NVL: variants seen among roughly 807,000 people sequenced by gnomAD.
The protein encoded by NVL is nuclear VCP like.
A neutral mutation model predicts 110.2 loss-of-function variants in NVL; 84 were observed. The observed-to-expected ratio is 0.76, with a 90% confidence interval of 0.64 to 0.91. The LOEUF (loss-of-function observed/expected upper bound fraction) is 0.91. NVL is among the 40% of genes least tolerant of loss of function. The pLI is 0.00. For synonymous variants in NVL, 354 were observed against 361.1 expected, an observed-to-expected ratio of 0.98 and a Z score of 0.22; for missense variants, 882 against 1,035.9, an observed-to-expected ratio of 0.85 and a Z score of 2.04.
intron 16 of NVL, among the ~76,000 whole-genome samples, chr1:224,278,467 G>T (rs1360408687): frequency 6.6e-6 from 1 of 151,986 alleles, no homozygotes; most frequent in African/African-American, 2.4e-5. Context: ...TTGACCTCAA[G>T]TGATCTGCCC....
chr1:224,306,755 C>A, intron 6 of NVL, among the ~76,000 whole-genome samples: 1 of 152,086 alleles, frequency 6.6e-6, no homozygotes. Flanking sequence ...ATGGCTTATG[C>A]CCAGGGGGTG....
chr1:224,310,288 G>GTA (rs947604240), intron 5 of NVL, among the ~76,000 whole-genome samples: 2 of 151,718 alleles, frequency 1.3e-5, no homozygotes, highest in African/African-American at 4.8e-5. Flanking sequence ...ACAAGAGGAT[G>GTA]TATATAACGT....
chr1:224,286,189 A>G, intron 14 of NVL, 59 bp from the exon 15 acceptor site: 1 of 1,231,142 alleles, frequency 8.1e-7, no homozygotes, highest in Non-Finnish European at 1.2e-6. Context: ...TGCAGGTTCA[A>G]ATTATTTCCA....
intron 19 of NVL, among the ~76,000 whole-genome samples, chr1:224,241,463 A>G (rs543849175): frequency 2.0e-5 from 3 of 152,210 alleles, no homozygotes; most frequent in Admixed American, 6.5e-5. Context: ...ATATTATATT[A>G]TTTTTTAATA....
At chr1:224,266,393 C>T (rs756635565) in intron 18 of NVL, among the ~76,000 whole-genome samples, 12 of 152,046 alleles carry the variant, frequency 7.9e-5, no homozygotes, top group Non-Finnish European at 1.6e-4. Flanking sequence ...TTTATTTGTC[C>T]ACCTTTACTC....
intron 19 of NVL, among the ~76,000 whole-genome samples, chr1:224,236,989 G>A (rs1269962685): frequency 2.0e-5 from 3 of 152,212 alleles, no homozygotes; most frequent in Non-Finnish European, 1.5e-5. Context: ...CTGACTTCCA[G>A]ACTGGTGCTG....
chr1:224,245,320 A>C (rs1533589), intron 19 of NVL, among the ~76,000 whole-genome samples: 129,966 of 152,242 alleles, frequency 0.85, 55,892 homozygotes, highest in South Asian at 0.91. Context: ...CTTCCTCTCA[A>C]TCTGCCCTGC....
Position 224,253,747 on chromosome 1 carries a change from AAG to A in NVL, c.2183-3431_2183-3430del, listed in dbSNP as rs1320680366. The stretch of plus-strand genomic sequence containing the variant: ...GCTCGGTCTCAAAAAAAAAAAAAAA[AAG>A]AAAAGAAAAAAAGAAATTGCCAAAC... On this transcript the variant is annotated intron_variant, in intron 18 of 22. Transcript: ENST00000281701. Among the ~76,000 whole-genome samples the A allele has an allele frequency of 1.3e-4, 19 of 149,652 alleles. 2 individuals are homozygous for A. The highest frequency in any genetic ancestry group is 1.7e-4 in the African/African-American group (7 of 41,178).
intron 9 of NVL, among the ~76,000 whole-genome samples, chr1:224,303,360 G>A (rs1039123204): frequency 2.1e-4 from 32 of 151,852 alleles, no homozygotes; most frequent in Admixed American, 1.0e-3. Context: ...GCTTGAACCC[G>A]GGAGGCGGAG....
intron 2 of NVL, among the ~76,000 whole-genome samples, chr1:224,318,567 A>G (rs986846241): frequency 2.0e-5 from 3 of 151,998 alleles, no homozygotes; most frequent in Non-Finnish European, 4.4e-5. Context: ...GCGCCAATGC[A>G]CTCAGCTTGG....
intron 19 of NVL, among the ~76,000 whole-genome samples, chr1:224,239,469 T>C (rs10799551): frequency 6.6e-6 from 1 of 151,948 alleles, no homozygotes; most frequent in Non-Finnish European, 1.5e-5. Flanking sequence ...TGCCACATTA[T>C]GTAGGAGCCC....
At chr1:224,323,201 G>C (rs1403669910) in intron 2 of NVL, among the ~76,000 whole-genome samples, 1 of 152,172 alleles carries the variant, frequency 6.6e-6, no homozygotes, top group Admixed American at 6.6e-5. Context: ...AGTAGAACTT[G>C]TAAGTGATGA....
At position 224,275,328 on chromosome 1, in the gene NVL, A is replaced by G. The variant is rs1390154356; in HGVS notation, c.2082+11T>C. The G allele has an allele frequency of 3.1e-6, 5 of 1,614,058 alleles. No homozygotes were observed. Among genetic ancestry groups the G allele is most frequent in the Non-Finnish European group, 3.4e-6 (4 of 1,180,022 alleles). Reference sequence around the variant, plus strand: ...AAAAGAATCTGAAAACCACTAGTCCATGATACTTACCTCTCGGTCTGATCT... The same window carrying G: ...AAAAGAATCTGAAAACCACTAGTCCGTGATACTTACCTCTCGGTCTGATCT... On this transcript the variant is annotated intron_variant, in intron 17 of 22. Coordinates refer to ENST00000281701, the MANE Select transcript of NVL (RefSeq NM_002533.4).
At chr1:224,292,753 CTTTT>C (rs977238478) in intron 12 of NVL, among the ~76,000 whole-genome samples, 1 of 145,706 alleles carries the variant, frequency 6.9e-6, no homozygotes, top group Non-Finnish European at 1.5e-5. Context: ...CATTAAATAC[CTTTT>C]TTTTTTTGAG....
chr1:224,317,895 C>G lies in NVL; in HGVS notation c.167G>C (p.Arg56Thr). Residue 56 changes from arginine to threonine, a missense_variant, in exon 3 of 23, where the codon AGG becomes ACG. Physicochemically the swap from Arg to Thr is moderately conservative, Grantham distance 71. This residue lies in a region of NVL where 274 missense variants were observed against 268.4 expected (regional missense o/e 1.02). Transcript: ENST00000281701. The part of the protein sequence containing the change: ...DYGRRKRNAF[R>T]IQVEKVFSII... ...AGACTCACCTTTTTCTACCTGAATC[C>G]TAAAAGCATTTCTTTTTCTTCGACC... is the stretch of plus-strand genomic sequence containing the variant. The G allele has an allele frequency of 6.3e-7, 1 of 1,598,620 alleles. No homozygotes were observed.
chr1:224,272,724 A>C (rs182832376), intron 17 of NVL, among the ~76,000 whole-genome samples: 104 of 151,430 alleles, frequency 6.9e-4, no homozygotes, highest in Non-Finnish European at 1.1e-3. Flanking sequence ...CTCAAAACAA[A>C]CAAACAAAAC....
intron 4 of NVL, chr1:224,313,082 CTG>C: frequency 2.5e-6 from 1 of 393,326 alleles, no homozygotes; most frequent in Admixed American, 2.5e-5. Flanking sequence ...TCGCTTGGGC[CTG>C]GGACGTCAAG....
intron 17 of NVL, among the ~76,000 whole-genome samples, chr1:224,271,631 A>T (rs998891354): frequency 6.6e-6 from 1 of 152,014 alleles, no homozygotes; most frequent in Non-Finnish European, 1.5e-5. Flanking sequence ...AATACGGAGG[A>T]GAATGGAAAG....
chr1:224,304,593 G>A, intron 8 of NVL, 143 bp downstream of exon 8: 3 of 662,150 alleles, frequency 4.5e-6, no homozygotes, highest in Non-Finnish European at 8.1e-6. Context: ...TGCCCTAAAG[G>A]GTACAGGTCA....
Sources: allele counts gnomAD v4.1 joint callset (sites outside exome capture counted in the v4.1 genomes callset), GRCh38; gene constraint gnomAD v4.1.1; regional missense constraint gnomAD v4.1.1; transcripts MANE v1.5; gene names NCBI Gene and HGNC (gene_info 2026-07-23, HGNC 2026-07-21).